STPG2: variants seen among roughly 807,000 people sequenced by gnomAD.
STPG2 encodes the protein sperm-tail PG-rich repeat-containing protein 2.
Under a neutral mutation model 54.2 loss-of-function variants are expected in STPG2, and 56 were observed. The observed-to-expected ratio is 1.03, with a 90% confidence interval of 0.83 to 1.29. The LOEUF is 1.29. Ranked by LOEUF, STPG2 falls within the 50% of genes most tolerant of loss-of-function variation. The pLI is 0.00. For missense variants in STPG2, 596 were observed against 544.9 expected, an observed-to-expected ratio of 1.09 and a Z score of -0.93; for synonymous variants, 200 against 181.8, an observed-to-expected ratio of 1.10 and a Z score of -0.81.
chr4:97,738,238 T>A (rs1578521087), intron 9 of STPG2, among the ~76,000 whole-genome samples: 1 of 152,124 alleles, frequency 6.6e-6, no homozygotes, highest in African/African-American at 2.4e-5. Flanking sequence ...GAACAATGGG[T>A]ACCAGCCACT....
At chr4:98,010,009 G>A (rs1339758734) in intron 5 of STPG2, among the ~76,000 whole-genome samples, 2 of 151,644 alleles carry the variant, frequency 1.3e-5, no homozygotes, top group Non-Finnish European at 2.9e-5. Context: ...TTCTTAGTTA[G>A]TCTGGCTAAA....
chr4:97,621,006 G>T (rs1578430177), intron 10 of STPG2, among the ~76,000 whole-genome samples: 1 of 152,118 alleles, frequency 6.6e-6, no homozygotes, highest in East Asian at 1.9e-4. Flanking sequence ...TAATTACATG[G>T]ACTTTACACA....
intron 9 of STPG2, among the ~76,000 whole-genome samples, chr4:97,797,698 C>T (rs1727245175): frequency 6.6e-6 from 1 of 152,118 alleles, no homozygotes; most frequent in African/African-American, 2.4e-5. Context: ...TGTTGCTGGC[C>T]TCACAAATGA....
At chr4:98,062,547 A>G (rs577384378) in intron 5 of STPG2, among the ~76,000 whole-genome samples, 1 of 152,334 alleles carries the variant, frequency 6.6e-6, no homozygotes, top group South Asian at 2.1e-4. Context: ...AATAGGTAAC[A>G]CAAAAACTGT....
intron 8 of STPG2, among the ~76,000 whole-genome samples, chr4:97,873,321 C>G (rs1207905695): frequency 2.0e-5 from 3 of 150,578 alleles, no homozygotes; most frequent in African/African-American, 7.3e-5. Flanking sequence ...TCATTTATTC[C>G]TAGATCACAG....
intron 4 of STPG2, among the ~76,000 whole-genome samples, chr4:97,459,311 A>G (rs1308383254): frequency 1.3e-5 from 2 of 152,086 alleles, no homozygotes; most frequent in African/African-American, 4.8e-5. Context: ...ACATGAAGTC[A>G]CTTTTCTAGA....
intron 9 of STPG2, among the ~76,000 whole-genome samples, chr4:97,745,263 C>CAAAA (rs75326963): frequency 9.9e-6 from 1 of 101,118 alleles, no homozygotes; most frequent in Non-Finnish European, 2.3e-5. Context: ...AACAAAAAAA[C>CAAAA]AAAAAAAAAA....
intron 8 of STPG2, among the ~76,000 whole-genome samples, chr4:97,923,285 G>T (rs866453389): frequency 1.3e-5 from 2 of 150,542 alleles, no homozygotes; most frequent in African/African-American, 4.9e-5. Context: ...GGGGCTGTGC[G>T]CAGCGCTTCC....
At chr4:97,872,362 T>C (rs1291899495) in intron 8 of STPG2, among the ~76,000 whole-genome samples, 1 of 151,244 alleles carries the variant, frequency 6.6e-6, no homozygotes, top group Non-Finnish European at 1.5e-5. Context: ...TTGCAAATTA[T>C]ATAATAGCAC....
intron 9 of STPG2, among the ~76,000 whole-genome samples, chr4:97,793,715 GT>G (rs1727080650): frequency 6.6e-6 from 1 of 151,930 alleles, no homozygotes; most frequent in African/African-American, 2.4e-5. Flanking sequence ...TCAAGTAAAA[GT>G]AAAGCTAAAG....
chr4:97,708,691 T>C lies in STPG2; in HGVS notation c.1320+4008A>G, dbSNP rs568857574. ...ATTTAACATTATTTTTCTGAGAATA[T>C]GCAATAGAGAAAATACTTTTTTCTA... On this transcript the variant is annotated intron_variant, in intron 10 of 10. Transcript: ENST00000295268. 9.1e-4 allele frequency among the ~76,000 whole-genome samples: 139 copies of C among 151,956 alleles called. 1 individual carries two copies. The highest frequency in any genetic ancestry group is 3.3e-3 in the African/African-American group (137 of 41,554).
At chr4:97,607,579 G>GA (rs1733627354) in intron 10 of STPG2, among the ~76,000 whole-genome samples, 1 of 152,034 alleles carries the variant, frequency 6.6e-6, no homozygotes, top group Non-Finnish European at 1.5e-5. Flanking sequence ...GGAGCCTTAG[G>GA]AAAATGACTT....
intron 4 of STPG2, among the ~76,000 whole-genome samples, chr4:97,468,590 A>T (rs1258339976): frequency 2.0e-5 from 3 of 152,004 alleles, no homozygotes; most frequent in East Asian, 1.9e-4. Flanking sequence ...TTCGCTTTTC[A>T]GAAGAAAAGA....
chr4:97,863,497 A>C (rs916499501), intron 8 of STPG2, among the ~76,000 whole-genome samples: 12 of 152,240 alleles, frequency 7.9e-5, no homozygotes, highest in Non-Finnish European at 1.6e-4. Flanking sequence ...AGATGGATTC[A>C]TAGCCGAATT....
intron 5 of STPG2, among the ~76,000 whole-genome samples, chr4:98,026,482 A>T (rs889072754): frequency 2.6e-5 from 4 of 152,114 alleles, no homozygotes; most frequent in African/African-American, 9.7e-5. Context: ...TGGACATTGT[A>T]TGTCATGGTA....
chr4:98,131,334 C>A (rs1739989634), intron 2 of STPG2, among the ~76,000 whole-genome samples: 1 of 152,078 alleles, frequency 6.6e-6, no homozygotes, highest in African/African-American at 2.4e-5. Context: ...TAAAATTATA[C>A]ATCTCAGGAA....
intron 8 of STPG2, among the ~76,000 whole-genome samples, chr4:97,933,987 C>G (rs1289783013): frequency 6.6e-6 from 1 of 152,094 alleles, no homozygotes; most frequent in Non-Finnish European, 1.5e-5. Context: ...TGATTCTTCC[C>G]AACCATGAGG....
chr4:97,800,833 G>A (rs1460518900), intron 9 of STPG2, among the ~76,000 whole-genome samples: 2 of 152,176 alleles, frequency 1.3e-5, no homozygotes, highest in East Asian at 3.9e-4. Context: ...ACTCCACCCA[G>A]TTTGAGCTTC....
intron 8 of STPG2, among the ~76,000 whole-genome samples, chr4:97,934,623 AG>A (rs1451387893): frequency 6.6e-6 from 1 of 152,034 alleles, no homozygotes; most frequent in Non-Finnish European, 1.5e-5. Flanking sequence ...ATAATAATAT[AG>A]TTTTTTCATT....
Sources: gnomAD v4.1 joint callset for allele counts (sites outside exome capture counted in the v4.1 genomes callset) on GRCh38, gnomAD v4.1.1 for gene constraint, MANE v1.5 for transcripts, NCBI Gene and HGNC (gene_info 2026-07-23, HGNC 2026-07-21) for gene names.